The following ZNF728 variants were observed in gnomAD, a reference collection of about 807,000 sequenced individuals.
ZNF728 encodes the protein zinc finger protein 728.
Under a neutral mutation model 12.5 loss-of-function variants are expected in ZNF728, and 12 were observed. The ratio of observed to expected loss-of-function variants is 0.96; its 90% CI spans 0.61 to 1.55. ZNF728 has a LOEUF of 1.55. Ranked by LOEUF, ZNF728 falls within the 40% of genes most tolerant of loss-of-function variation. The pLI is 0.00. For synonymous variants in ZNF728, 205 were observed against 240.7 expected, an observed-to-expected ratio of 0.85 and a Z score of 1.37; for missense variants, 692 against 719.2, an observed-to-expected ratio of 0.96 and a Z score of 0.43.
At position 22,988,348 on chromosome 19, in the gene ZNF728, T is replaced by C. The variant is rs1968941881; in HGVS notation, c.107A>G (p.Asn36Ser). 2 of 1,614,160 alleles carry C rather than the reference T, an allele frequency of 1.2e-6. No homozygotes were observed. The highest frequency in any genetic ancestry group is 1.7e-6 in the Non-Finnish European group (2 of 1,180,012). The change falls in exon 2 of 4, where the codon AAC becomes AGC. Residue 36 changes from asparagine to serine, a missense_variant. By Grantham distance (46) the Asn-to-Ser change is conservative. This residue lies in a region of ZNF728 where 440 missense variants were observed against 459.6 expected (regional missense o/e 0.96). Coordinates refer to ENST00000594710, the MANE Select transcript of ZNF728 (RefSeq NM_001267716.2). ...ACCCAGGAAGACCAGGTTTCTGTAG[T>C]TCTCTAACATCACATTCCTATATAA... ...QNLYRNVMLE[N>S]YRNLVFLGIA...
At chr19:22,982,723 C>A (rs2145337126) in intron 3 of ZNF728, among the ~76,000 whole-genome samples, 1 of 152,182 alleles carries the variant, frequency 6.6e-6, no homozygotes, top group South Asian at 2.1e-4. Flanking sequence ...CTACAGCCAT[C>A]TGATCTTTGA....
chr19:22,981,287 G>C (rs560777270), intron 3 of ZNF728, among the ~76,000 whole-genome samples: 1 of 152,262 alleles, frequency 6.6e-6, no homozygotes, highest in South Asian at 2.1e-4. Context: ...TAGAAGAAAT[G>C]AATAAATTCC....
intron 2 of ZNF728, among the ~76,000 whole-genome samples, 154 bp downstream of exon 2, chr19:22,988,171 T>C (rs1968939176): frequency 6.6e-6 from 1 of 152,116 alleles, no homozygotes; most frequent in Non-Finnish European, 1.5e-5. Flanking sequence ...CCTTGTTCAC[T>C]AGAAGCAAAG....
chr19:22,984,615 C>CAT (rs1366499468), intron 3 of ZNF728, among the ~76,000 whole-genome samples: 27 of 136,074 alleles, frequency 2.0e-4, no homozygotes, highest in African/African-American at 5.7e-4. Flanking sequence ...CACACACACA[C>CAT]ATATACACAC....
intron 3 of ZNF728, among the ~76,000 whole-genome samples, chr19:22,978,052 CT>C (rs1348773914): frequency 6.6e-6 from 1 of 151,552 alleles, no homozygotes; most frequent in Non-Finnish European, 1.5e-5. Flanking sequence ...AAAGAAATAA[CT>C]GATTCTAAAA....
At chr19:22,984,729 T>C (rs1265618334) in intron 3 of ZNF728, among the ~76,000 whole-genome samples, 1 of 152,086 alleles carries the variant, frequency 6.6e-6, no homozygotes, top group Admixed American at 6.6e-5. Flanking sequence ...ACAAATTTAA[T>C]GAAATGTTTT....
chr19:22,989,970 C>T (rs1386768202), intron 1 of ZNF728, among the ~76,000 whole-genome samples: 2 of 152,128 alleles, frequency 1.3e-5, no homozygotes, highest in Admixed American at 1.3e-4. Context: ...CTACACCTTC[C>T]CATGTTCAAC....
intron 1 of ZNF728, chr19:22,995,901 A>G (rs529505888): frequency 3.9e-4 from 59 of 152,348 alleles, no homozygotes; most frequent in African/African-American, 1.4e-3. Flanking sequence ...AGAGCTTGCA[A>G]CATAGCTAAC....
intron 3 of ZNF728, among the ~76,000 whole-genome samples, chr19:22,978,037 T>A (rs1277721121): frequency 6.6e-6 from 1 of 151,250 alleles, no homozygotes; most frequent in Admixed American, 6.6e-5. Context: ...TGATAAAAAA[T>A]ACAAAAAGAA....
intron 1 of ZNF728, 21 bp downstream of exon 1, chr19:23,003,007 T>A: frequency 6.3e-7 from 1 of 1,586,380 alleles, no homozygotes. Flanking sequence ...TCTCTCGGGA[T>A]GTCGGACCCG....
chr19:22,988,176 GCAA>G, intron 2 of ZNF728, 146 bp downstream of exon 2: 2 of 1,416,410 alleles, frequency 1.4e-6, no homozygotes, highest in South Asian at 2.8e-5. Flanking sequence ...TTCACTAGAA[GCAA>G]AGAGCCCCCT....
chr19:22,988,305 C>A lies in ZNF728; in HGVS notation c.130+20G>T. 6.2e-7 allele frequency: 1 copy of A among 1,613,940 alleles called. No homozygotes were observed. The highest frequency in any genetic ancestry group is 8.5e-7 in the Non-Finnish European group (1 of 1,179,940). ...AACCTATAGTGTATACTAGGAATTG[C>A]GTATTAAAGTTATTCTCACCCAGGA... On this transcript the variant is annotated intron_variant, in intron 2 of 3. Coordinates refer to ENST00000594710, the MANE Select transcript of ZNF728 (RefSeq NM_001267716.2).
intron 2 of ZNF728, 144 bp downstream of exon 2, chr19:22,988,181 G>A: frequency 6.9e-7 from 1 of 1,446,392 alleles, no homozygotes; most frequent in East Asian, 2.3e-5. Flanking sequence ...TAGAAGCAAA[G>A]AGCCCCCTGG....
chr19:22,996,150 TATGTA>T (rs1378751461), intron 1 of ZNF728, among the ~76,000 whole-genome samples: 1 of 152,198 alleles, frequency 6.6e-6, no homozygotes, highest in Non-Finnish European at 1.5e-5. Flanking sequence ...AGTCATAAGG[TATGTA>T]ATATTTTAAA....
chr19:23,000,867 AAAAAAAAAAAAAAAAAAACC>A (rs1358576043), intron 1 of ZNF728, among the ~76,000 whole-genome samples: 9 of 131,832 alleles, frequency 6.8e-5, no homozygotes, highest in Admixed American at 5.0e-4. Flanking sequence ...AACACTGTCA[AAAAAAAAAAAAAAAAAAACC>A]AAAAAAAAAA....
At chr19:22,988,583 A>G (rs1322775951) in intron 1 of ZNF728, 132 bp from the exon 2 acceptor site, 6 of 1,340,754 alleles carry the variant, frequency 4.5e-6, no homozygotes, top group Admixed American at 4.9e-5. Flanking sequence ...TCATTCAATA[A>G]AATAGTTTTC....
At chr19:22,977,142 A>G (rs1187914074) in intron 3 of ZNF728, 32 bp from the exon 4 acceptor site, 3 of 1,486,462 alleles carry the variant, frequency 2.0e-6, no homozygotes, top group Non-Finnish European at 2.7e-6. Context: ...AAATTAGTCC[A>G]CTTATTAGAT....
chr19:23,001,069 A>AGT (rs35212085), intron 1 of ZNF728, among the ~76,000 whole-genome samples: 46,352 of 151,792 alleles, frequency 0.31, 9,169 homozygotes, highest in African/African-American at 0.57. Context: ...ACTATGCCCC[A>AGT]GAGTGCCCCA....
rs148644746 is a variant in ZNF728, at chr19:22,990,324, C to A, written c.4-1873G>T. Among the ~76,000 whole-genome samples, 20 of 151,872 alleles carry A rather than the reference C, an allele frequency of 1.3e-4. No individual in the cohort carries two copies. In the East Asian group the frequency reaches 2.5e-3, roughly 19 times the overall value. On this transcript the variant is annotated intron_variant, in intron 1 of 3. Coordinates refer to ENST00000594710, the MANE Select transcript of ZNF728 (RefSeq NM_001267716.2). ...CTAGGATTCTTTCTCAGATAAAATT[C>A]TCTGGACAAATTACACCTGCATCTT...
Sources: allele counts gnomAD v4.1 joint callset (sites outside exome capture counted in the v4.1 genomes callset), GRCh38; gene constraint gnomAD v4.1.1; regional missense constraint gnomAD v4.1.1; transcripts MANE v1.5; gene names NCBI Gene and HGNC (gene_info 2026-07-23, HGNC 2026-07-21).